EDAR: variants seen among roughly 807,000 people sequenced by gnomAD.
The protein encoded by EDAR is ectodysplasin A receptor.
Under a neutral mutation model 51.3 loss-of-function variants are expected in EDAR, and 38 were observed. The ratio of observed to expected loss-of-function variants is 0.74; its 90% CI spans 0.57 to 0.97. The LOEUF (loss-of-function observed/expected upper bound fraction) is 0.97, where lower values mean the gene tolerates loss of function less well. Ranked by LOEUF, EDAR falls within the 50% of genes least tolerant of loss-of-function variation. EDAR has a pLI of 0.00. For synonymous variants in EDAR, 227 were observed against 242.1 expected (o/e 0.94, Z 0.58); for missense variants, 528 against 595.0 (o/e 0.89, Z 1.17).
At chr2:108,925,915 C>T (rs559291446) in intron 4 of EDAR, among the ~76,000 whole-genome samples, 3 of 152,128 alleles carry the variant, frequency 2.0e-5, no homozygotes, top group Admixed American at 6.5e-5. Context: ...CGAGCCTGAC[C>T]GGTGATAAAC....
In EDAR at chr2:108,985,266, C is replaced by A. The variant is rs576055259; in HGVS notation, c.-19+3694G>T. Among the ~76,000 whole-genome samples, 4 of 152,304 alleles carry A rather than the reference C, an allele frequency of 2.6e-5. No homozygotes were observed. In the East Asian group the frequency reaches 7.7e-4, roughly 29 times the overall value. ...TTGGCTTCTGTGCTACACTGCGGGC[C>A]TCAGGGCTGTTACTAAGAGTAACGT... On this transcript the variant is annotated intron_variant, in intron 1 of 11. Transcript: ENST00000258443.
intron 1 of EDAR, among the ~76,000 whole-genome samples, chr2:108,944,066 C>T (rs1203698446): frequency 6.6e-6 from 1 of 152,208 alleles, no homozygotes; most frequent in Admixed American, 6.5e-5. Flanking sequence ...TATCCAGCCA[C>T]GTAGGAGCAA....
chr2:108,975,218 A>G (rs1282938212), intron 1 of EDAR, among the ~76,000 whole-genome samples: 1 of 152,192 alleles, frequency 6.6e-6, no homozygotes, highest in African/African-American at 2.4e-5. Flanking sequence ...CAAAGGAGAG[A>G]GAGGATCTGA....
Position 108,970,886 on chromosome 2 carries a change from T to C in EDAR, c.-19+18074A>G, listed in dbSNP as rs1574411837. ...GGAATAGTCTACAGGACTGAACAAA[T>C]ACAAGTGATAGATTTGCTAATTCTT... On this transcript the variant is annotated intron_variant, in intron 1 of 11. Coordinates refer to ENST00000258443, the MANE Select transcript of EDAR (RefSeq NM_022336.4). Among the ~76,000 whole-genome samples, 5 of 152,270 alleles carry C rather than the reference T, an allele frequency of 3.3e-5. No individual in the cohort carries two copies. The South Asian group carries it at 1.0e-3, about 32-fold the overall frequency.
intron 5 of EDAR, among the ~76,000 whole-genome samples, chr2:108,919,096 A>G (rs1476841282): frequency 6.6e-6 from 1 of 152,106 alleles, no homozygotes; most frequent in Admixed American, 6.5e-5. Context: ...CAGGTCTGAG[A>G]GGCTCTGAGC....
chr2:108,980,315 G>A (rs1362723458), intron 1 of EDAR, among the ~76,000 whole-genome samples: 2 of 152,114 alleles, frequency 1.3e-5, no homozygotes, highest in African/African-American at 2.4e-5. Context: ...CTCTGTGAAG[G>A]TGAGGAGAGC....
At chr2:108,956,553 C>A (rs1486122478) in intron 1 of EDAR, among the ~76,000 whole-genome samples, 2 of 152,208 alleles carry the variant, frequency 1.3e-5, no homozygotes, top group African/African-American at 4.8e-5. Context: ...TCTGGCAAGG[C>A]ACAAGGCTCC....
intron 1 of EDAR, among the ~76,000 whole-genome samples, chr2:108,982,593 G>T (rs896033492): frequency 6.6e-6 from 1 of 152,154 alleles, no homozygotes; most frequent in Non-Finnish European, 1.5e-5. Flanking sequence ...ATTCTCCAGC[G>T]CCATTTCCCT....
chr2:108,982,442 T>C (rs542939877), intron 1 of EDAR, among the ~76,000 whole-genome samples: 20 of 152,374 alleles, frequency 1.3e-4, no homozygotes, highest in South Asian at 2.1e-4. Flanking sequence ...ACTAGGGACA[T>C]TGGCGTTTGC....
intron 1 of EDAR, among the ~76,000 whole-genome samples, chr2:108,958,120 A>C (rs1298000517): frequency 1.3e-5 from 2 of 152,140 alleles, no homozygotes. Flanking sequence ...ACACCCCTGC[A>C]CTTTCATCCT....
Position 108,897,005 on chromosome 2 carries a change from G to A in EDAR, c.1249C>T (p.Gln417Ter), listed in dbSNP as rs765733088. ...TCCACAGCATCCAGCCGCTCAATCT[G>A]CACCAGTTTTGTGAGTAGCTCAGGG... ...SIPELLTKLV[Q>*]IERLDAVESL... is the part of the protein sequence containing the mutation. Residue 417 changes from glutamine (Q) to a stop codon, truncating the protein, a stop_gained, in exon 12 of 12, where the codon CAG (glutamine) becomes TAG (stop). Coordinates refer to ENST00000258443, the MANE Select transcript of EDAR (RefSeq NM_022336.4). LOFTEE classifies it high-confidence loss of function. 1.2e-6 allele frequency: 2 copies of A among 1,613,924 alleles called. No homozygotes were observed. Among genetic ancestry groups the A allele is most frequent in the South Asian group, 2.2e-5 (2 of 91,012 alleles).
chr2:108,913,350 T>C (rs987657821), intron 5 of EDAR, among the ~76,000 whole-genome samples: 6 of 152,196 alleles, frequency 3.9e-5, no homozygotes, highest in South Asian at 2.1e-4. Flanking sequence ...AATTTTCCTA[T>C]GCGTGGAGAC....
intron 11 of EDAR, among the ~76,000 whole-genome samples, chr2:108,901,694 ATAACT>A (rs1476432862): frequency 6.6e-6 from 1 of 152,234 alleles, no homozygotes; most frequent in Non-Finnish European, 1.5e-5. Flanking sequence ...TATAAATTTG[ATAACT>A]TAGATGAAAA....
chr2:108,911,925 A>G (rs1448452730), intron 6 of EDAR, among the ~76,000 whole-genome samples: 1 of 152,242 alleles, frequency 6.6e-6, no homozygotes, highest in East Asian at 1.9e-4. Context: ...TAGCGTTAGC[A>G]TGCCAGGTCT....
rs1390854444 is a variant in EDAR at position 108,894,854 on chromosome 2, A to G, written c.*2053T>C. ...ATGAGCTGACACTGGCTGGCCTTACAGCCCCAGAATTCTAATAGTGTGAAA... is the reference window on the plus strand; with the variant it reads ...ATGAGCTGACACTGGCTGGCCTTACGGCCCCAGAATTCTAATAGTGTGAAA... On this transcript the variant is annotated 3_prime_UTR_variant, in exon 12 of 12. Transcript: ENST00000258443. 1 of 152,216 alleles carries G rather than the reference A, an allele frequency of 6.6e-6. No individual in the cohort carries two copies. The highest frequency in any genetic ancestry group is 1.5e-5 in the Non-Finnish European group (1 of 68,030). 9.4% of individuals were successfully genotyped at this position (152,216 alleles called of 1,614,324 possible).
chr2:108,963,061 GTCAC>G (rs1281202222), intron 1 of EDAR, among the ~76,000 whole-genome samples: 1 of 152,122 alleles, frequency 6.6e-6, no homozygotes, highest in Non-Finnish European at 1.5e-5. Flanking sequence ...GTCACTGAAG[GTCAC>G]TCACTGTCAC....
intron 1 of EDAR, among the ~76,000 whole-genome samples, chr2:108,937,394 G>C (rs570492248): frequency 6.6e-6 from 1 of 152,340 alleles, no homozygotes; most frequent in East Asian, 1.9e-4. Context: ...ACACGTGAGT[G>C]TATGTGTATC....
At chr2:108,909,856 G>A (rs935395644) in intron 9 of EDAR, among the ~76,000 whole-genome samples, 1 of 152,224 alleles carries the variant, frequency 6.6e-6, no homozygotes, top group African/African-American at 2.4e-5. Context: ...GGCTCCTTGG[G>A]AGCCTGGACT....
chr2:108,910,699 G>A, intron 8 of EDAR, 77 bp downstream of exon 8: 1 of 1,517,096 alleles, frequency 6.6e-7, no homozygotes, highest in Non-Finnish European at 9.1e-7. Context: ...AAGCAGCGAG[G>A]AGGCTGCTTC....
Sources: gnomAD v4.1 joint callset for allele counts (sites outside exome capture counted in the v4.1 genomes callset) on GRCh38, gnomAD v4.1.1 for gene constraint, MANE v1.5 for transcripts, NCBI Gene and HGNC (gene_info 2026-07-23, HGNC 2026-07-21) for gene names.